Variants in CNNM3 observed in about 807,000 individuals in gnomAD.
CNNM3 encodes cyclin and CBS domain divalent metal cation transport mediator 3, also known as metal transporter CNNM3.
A neutral mutation model predicts 57.1 loss-of-function variants in CNNM3; 47 were observed. The ratio of observed to expected loss-of-function variants is 0.82; its 90% CI spans 0.65 to 1.05. CNNM3 has a LOEUF of 1.05. Ranked by LOEUF, CNNM3 falls within the 50% of genes least tolerant of loss-of-function variation. CNNM3 has a pLI of 0.00. For synonymous variants in CNNM3, 507 were observed against 478.2 expected, an observed-to-expected ratio of 1.06 and a Z score of -0.79; for missense variants, 957 against 973.7, an observed-to-expected ratio of 0.98 and a Z score of 0.23.
rs1315262473 is a variant in CNNM3 at position 96,828,644 on chromosome 2, T to A, written c.1864T>A (p.Ser622Thr). Residue 622 changes from serine (S) to threonine (T), a missense_variant, in exon 6 of 8, where the codon TCT becomes ACT. Physicochemically the swap from Ser to Thr is moderately conservative, Grantham distance 58. Transcript: ENST00000305510. ...CGACCCAGGTGACGGCACGCATTCA[T>A]CTGCGTATTGTCCCGACTACACCGT... The part of the protein sequence containing the change: ...QPDPGDGTHS[S>T]AYCPDYTVRA... 3 of 1,614,110 alleles carry A rather than the reference T, an allele frequency of 1.9e-6. No individual in the cohort carries two copies. The highest frequency in any genetic ancestry group is 2.5e-6 in the Non-Finnish European group (3 of 1,179,998).
intron 1 of CNNM3, among the ~76,000 whole-genome samples, chr2:96,819,221 A>G (rs2079370504): frequency 6.6e-6 from 1 of 152,126 alleles, no homozygotes; most frequent in Non-Finnish European, 1.5e-5. Flanking sequence ...CGCGGTGGTA[A>G]GTACTCCCAT....
chr2:96,817,629 C>T, intron 1 of CNNM3, 127 bp downstream of exon 1: 1 of 889,194 alleles, frequency 1.1e-6, no homozygotes, highest in East Asian at 2.4e-5. Flanking sequence ...CCTCTAAGGT[C>T]CCTTTTCAAG....
At chr2:96,817,530 C>T (rs1274835904) in intron 1 of CNNM3, 28 bp downstream of exon 1, 4 of 1,580,040 alleles carry the variant, frequency 2.5e-6, no homozygotes, top group East Asian at 2.2e-5. Context: ...GTGCAGGGGA[C>T]GCCCGTGCGA....
chr2:96,826,462 C>T (rs750223629), intron 2 of CNNM3, among the ~76,000 whole-genome samples: 5 of 152,234 alleles, frequency 3.3e-5, no homozygotes, highest in African/African-American at 4.8e-5. Flanking sequence ...GATCCTCCCG[C>T]CTCAGCCTCC....
In CNNM3 at chr2:96,827,800, T is replaced by A; in HGVS notation, c.1589T>A (p.Val530Asp). ...CTGCACCTGTTGAAGCATCCCAGTG[T>A]CAACCAGGAAGTGAGGTTTGACGAG... is the stretch of plus-strand genomic sequence containing the variant. ...VLLHLLKHPS[V>D]NQEVRFDESN... The change falls in exon 4 of 8, where the codon GTC (valine) becomes GAC (aspartate). Residue 530 changes from valine (V) to aspartate (D), a missense_variant. Around this residue, in one of 2 missense-constraint regions of CNNM3, gnomAD observed 491 missense variants for 570.6 expected, o/e 0.86. Transcript: ENST00000305510. 6.2e-7 allele frequency: 1 copy of A among 1,614,188 alleles called. No homozygotes were observed. Among genetic ancestry groups the A allele is most frequent in the Non-Finnish European group, 8.5e-7 (1 of 1,180,032 alleles).
At chr2:96,831,898 C>T (rs2079609696) in intron 7 of CNNM3, 9 of 853,232 alleles carry the variant, frequency 1.1e-5, no homozygotes, top group African/African-American at 1.8e-5. Context: ...CATGGTGCTG[C>T]CCGGAGCCAA....
chr2:96,836,307 G>A (rs1233981714), downstream of CNNM3, among the ~76,000 whole-genome samples: 1 of 150,128 alleles, frequency 6.7e-6, no homozygotes, highest in Non-Finnish European at 1.5e-5. Context: ...CAATGGCGTG[G>A]TCTCGGCTCA....
rs1457680771 is a variant in CNNM3, at chr2:96,816,295, T to A, written c.18T>A (p.Ala6=). The change falls in exon 1 of 8, where the codon GCT becomes GCA. Residue 6 remains alanine, a synonymous_variant. Coordinates refer to ENST00000305510, the MANE Select transcript of CNNM3 (RefSeq NM_017623.5). ...AGCAGGCGATGGCGGCGGCGGTAGCTGCGGCGGGTCGGTTAGGCTGGTTGT... is the reference window on the plus strand; with the variant it reads ...AGCAGGCGATGGCGGCGGCGGTAGCAGCGGCGGGTCGGTTAGGCTGGTTGT... The part of the protein sequence containing the change: MAAAV[A]AAGRLGWLFA... The A allele has an allele frequency of 7.7e-7, 1 of 1,292,472 alleles. No individual in the cohort carries two copies. The highest frequency in any genetic ancestry group is 9.8e-7 in the Non-Finnish European group (1 of 1,021,954). The allele number at this position is 1,292,472 out of a possible 1,614,324, so 80.1% of individuals were successfully genotyped here.
intron 2 of CNNM3, among the ~76,000 whole-genome samples, chr2:96,826,577 A>C (rs968896436): frequency 6.6e-6 from 1 of 152,216 alleles, no homozygotes; most frequent in African/African-American, 2.4e-5. Flanking sequence ...TATTTTATAC[A>C]AGCTGCTTTG....
rs1559012169 is a variant in CNNM3, at chr2:96,826,988, G to GC, written c.1519+7dup. On this transcript the variant is annotated splice_region_variant and intron_variant, in intron 3 of 7. Coordinates refer to ENST00000305510, the MANE Select transcript of CNNM3 (RefSeq NM_017623.5). ...CCAGCGCTTCCTGTCCCGAGGTGAG[G>GC]CGGGAGGGTGGTCCATGCCCCCTGC... 9 of 1,613,322 alleles carry GC rather than the reference G, an allele frequency of 5.6e-6. No individual in the cohort carries two copies. In the South Asian group the frequency reaches 8.8e-5, roughly 16 times the overall value.
chr2:96,825,149 C>A lies in CNNM3; in HGVS notation c.1317C>A (p.Asp439Glu). ...YEVLGLVTLE[D>E]VIEEIIRSEI... ...TCCTGGGCCTGGTCACCCTGGAGGACGTGATCGAGGAGATCATCAGGTCCG... is the reference window on the plus strand; with the variant it reads ...TCCTGGGCCTGGTCACCCTGGAGGAAGTGATCGAGGAGATCATCAGGTCCG... The change falls in exon 2 of 8, where the codon GAC becomes GAA. Residue 439 changes from aspartate to glutamate, a missense_variant. Asp to Glu is a conservative substitution (Grantham distance 45). Coordinates refer to ENST00000305510, the MANE Select transcript of CNNM3 (RefSeq NM_017623.5). The A allele has an allele frequency of 6.2e-7, 1 of 1,614,108 alleles. No individual in the cohort carries two copies. The highest frequency in any genetic ancestry group is 2.2e-5 in the East Asian group (1 of 44,856).
At chr2:96,824,133 C>A (rs7594727) in intron 1 of CNNM3, among the ~76,000 whole-genome samples, 41,396 of 152,114 alleles carry the variant, frequency 0.27, 11,725 homozygotes, top group African/African-American at 0.73. Context: ...ACGGGTCTAA[C>A]GTAGTGTGGA....
At position 96,828,572 on chromosome 2, in the gene CNNM3, C is replaced by T. The variant is rs2079549285; in HGVS notation, c.1792C>T (p.Gln598Ter). 1 of 1,614,090 alleles carries T rather than the reference C, an allele frequency of 6.2e-7. No homozygotes were observed. Among genetic ancestry groups the T allele is most frequent in the South Asian group, 1.1e-5 (1 of 91,088 alleles). ...ACTGATTGTTCCTTTGATAGTTCAC[C>T]AGTCCCCGGTGTCCTCGCTCCAGCC... ...SALTVPSSVH[Q>*]SPVSSLQPIR... The change falls in exon 6 of 8, where the codon CAG becomes TAG. Residue 598 changes from glutamine to a stop codon, truncating the protein, a stop_gained. Coordinates refer to ENST00000305510, the MANE Select transcript of CNNM3 (RefSeq NM_017623.5). LOFTEE classifies it high-confidence loss of function.
Position 96,817,222 on chromosome 2 carries a change from G to T in CNNM3, c.945G>T (p.Glu315Asp). The T allele has an allele frequency of 6.2e-7, 1 of 1,601,914 alleles. No homozygotes were observed. Residue 315 changes from glutamate (E) to aspartate (D), a missense_variant, in exon 1 of 8, where the codon GAG becomes GAT. Around this residue, in one of 2 missense-constraint regions of CNNM3, gnomAD observed 491 missense variants for 570.6 expected, o/e 0.86. Transcript: ENST00000305510. ...SKGVLRCRTV[E>D]DVLTPLEDCF... The stretch of plus-strand genomic sequence containing the variant: ...GCGTGCTGCGCTGCCGGACCGTGGA[G>T]GACGTGCTCACGCCCCTCGAAGACT...
intron 6 of CNNM3, 111 bp downstream of exon 6, chr2:96,828,811 G>A: frequency 1.3e-6 from 2 of 1,509,772 alleles, no homozygotes; most frequent in Non-Finnish European, 1.8e-6. Flanking sequence ...TCATCCTGAG[G>A]GACACAGACC....
intron 1 of CNNM3, among the ~76,000 whole-genome samples, chr2:96,818,290 G>T (rs2079355383): frequency 6.6e-6 from 1 of 151,694 alleles, no homozygotes; most frequent in Admixed American, 6.6e-5. Context: ...TCACCACGTT[G>T]ACCAAGCTGG....
chr2:96,832,148 C>A, intron 7 of CNNM3: 4 of 1,011,974 alleles, frequency 4.0e-6, no homozygotes, highest in Non-Finnish European at 4.7e-6. Context: ...CCCATGGCTC[C>A]CCAGGCTGGG....
rs1487093461 is a variant in CNNM3 at position 96,817,168 on chromosome 2, C to T, written c.891C>T (p.Gly297=). The T allele has an allele frequency of 2.1e-6, 3 of 1,443,266 alleles. No individual in the cohort carries two copies. Among genetic ancestry groups the T allele is most frequent in the African/African-American group, 2.9e-5 (2 of 68,124 alleles). The allele number at this position is 1,443,266 out of a possible 1,614,324, so 89.4% of individuals were successfully genotyped here. A position where few individuals can be genotyped will look rare whatever the true frequency, so the allele number is the denominator to read the frequency against. Residue 297 remains glycine, a synonymous_variant, in exon 1 of 8, where the codon GGC becomes GGT. Coordinates refer to ENST00000305510, the MANE Select transcript of CNNM3 (RefSeq NM_017623.5). ...RERVLELARG[G]GDPYSDLSKG... ...GGGTGCTGGAGCTGGCGCGCGGCGG[C>T]GGCGACCCCTACAGCGATCTCAGCA...
Position 96,816,661 on chromosome 2 carries a change from T to TGAGGAGGCGGCGCCGCC in CNNM3, c.385_401dup (p.Trp135ArgfsTer28), listed in dbSNP as rs1447083370. ...GCGTGGAGCCGGGTGGCGGGGCGGC[T>TGAGGAGGCGGCGCCGCC]GAGGAGGCGGCGCCGCCCTGGGCTC... On this transcript the variant is annotated frameshift_variant, in exon 1 of 8. Coordinates refer to ENST00000305510, the MANE Select transcript of CNNM3 (RefSeq NM_017623.5). LOFTEE classifies it high-confidence loss of function. 9.5e-7 allele frequency: 1 copy of TGAGGAGGCGGCGCCGCC among 1,050,382 alleles called. No homozygotes were observed. The highest frequency in any genetic ancestry group is 1.7e-5 in the African/African-American group (1 of 57,874). 65.1% of individuals were successfully genotyped at this position (1,050,382 alleles called of 1,614,324 possible). A position where few individuals can be genotyped will look rare whatever the true frequency, so the allele number is the denominator to read the frequency against.
Sources: gnomAD v4.1 joint callset for allele counts (sites outside exome capture counted in the v4.1 genomes callset) on GRCh38, gnomAD v4.1.1 for gene constraint, gnomAD v4.1.1 regional missense constraint, MANE v1.5 for transcripts, NCBI Gene and HGNC (gene_info 2026-07-23, HGNC 2026-07-21) for gene names.